SEC31A: variants seen among roughly 807,000 people sequenced by gnomAD.
SEC31A encodes the protein protein transport protein Sec31A.
A neutral mutation model predicts 151.0 loss-of-function variants in SEC31A; 70 were observed. The observed-to-expected ratio is 0.46, with a 90% CI of 0.38 to 0.57. The LOEUF (loss-of-function observed/expected upper bound fraction) is 0.57, where lower values mean the gene tolerates loss of function less well. Ranked by LOEUF, SEC31A falls within the 20% of genes least tolerant of loss-of-function variation. The pLI is 0.00. For synonymous variants in SEC31A, 475 were observed against 505.9 expected (o/e 0.94, Z 0.82); for missense variants, 1,330 against 1,471.2 (o/e 0.90, Z 1.57).
intron 1 of SEC31A, among the ~76,000 whole-genome samples, chr4:82,884,886 C>T (rs1740318638): frequency 6.6e-6 from 1 of 152,074 alleles, no homozygotes; most frequent in Non-Finnish European, 1.5e-5. Context: ...ACTTGATCTG[C>T]CTTGGACCGA....
At chr4:82,870,297 A>C in intron 8 of SEC31A, 28 bp downstream of exon 8, 1 of 1,554,994 alleles carries the variant, frequency 6.4e-7, no homozygotes, top group Non-Finnish European at 8.9e-7. Context: ...TAAGGGCTAC[A>C]AGGTTGAGAC....
chr4:82,880,692 G>T, intron 3 of SEC31A, 107 bp downstream of exon 3: 2 of 906,778 alleles, frequency 2.2e-6, no homozygotes, highest in Non-Finnish European at 3.2e-6. Flanking sequence ...TCATGTTCTT[G>T]ATGGTATTCC....
rs1732316969 is a variant in SEC31A at position 82,854,981 on chromosome 4, A to G, written c.1930T>C (p.Cys644Arg). 3.1e-6 allele frequency: 5 copies of G among 1,613,950 alleles called. No homozygotes were observed. Among genetic ancestry groups the G allele is most frequent in the Non-Finnish European group, 4.2e-6 (5 of 1,179,908 alleles). Residue 644 changes from cysteine (C) to arginine (R), a missense_variant, in exon 17 of 27, where the codon TGT becomes CGT. Physicochemically the swap from Cys to Arg is radical, Grantham distance 180 (BLOSUM62 -3). Transcript: ENST00000395310. ...GCCTCTCTCCAATTTTTAAGATCAC[A>G]AGACTCAACAATCTCTTTCCAGTTC... Reference protein sequence around the residue: ...MKNWKEIVESCDLKNWREALA... With the variant: ...MKNWKEIVESRDLKNWREALA...
At chr4:82,863,615 T>A (rs1316985894) in intron 11 of SEC31A, among the ~76,000 whole-genome samples, 2 of 152,026 alleles carry the variant, frequency 1.3e-5, no homozygotes, top group Non-Finnish European at 2.9e-5. Context: ...ATTATTTTTT[T>A]AAATAAGTTA....
At chr4:82,871,865 T>A in intron 7 of SEC31A, 79 bp downstream of exon 7, 1 of 1,590,664 alleles carries the variant, frequency 6.3e-7, no homozygotes, top group African/African-American at 1.3e-5. Context: ...TGTCCTATGG[T>A]GTATTTCTGG....
At chr4:82,838,444 T>C (rs1022049227) in intron 22 of SEC31A, among the ~76,000 whole-genome samples, 3 of 152,202 alleles carry the variant, frequency 2.0e-5, no homozygotes, top group Admixed American at 1.3e-4. Flanking sequence ...ACTCAGGCTG[T>C]TACCATCTCC....
intron 1 of SEC31A, among the ~76,000 whole-genome samples, chr4:82,890,451 C>G (rs1464719616): frequency 1.3e-5 from 2 of 152,068 alleles, no homozygotes; most frequent in African/African-American, 4.8e-5. Context: ...ATTCCTTAAG[C>G]GCAAGAAAAA....
intron 3 of SEC31A, among the ~76,000 whole-genome samples, chr4:82,897,437 G>A (rs934112333): frequency 6.6e-6 from 1 of 152,264 alleles, no homozygotes; most frequent in Middle Eastern, 3.4e-3. Context: ...ACCAACCCTA[G>A]AAAGCAAGAA....
At chr4:82,852,485 T>C (rs936523049) in intron 18 of SEC31A, among the ~76,000 whole-genome samples, 8 of 152,206 alleles carry the variant, frequency 5.3e-5, no homozygotes, top group African/African-American at 1.9e-4. Context: ...AGCAGAAGGA[T>C]AGCCTACCTT....
rs368504379 is a variant in SEC31A, at chr4:82,827,439, C to T, written c.3221G>A (p.Gly1074Asp). 18 of 1,614,188 alleles carry T rather than the reference C, an allele frequency of 1.1e-5. No individual in the cohort carries two copies. Among genetic ancestry groups the T allele is most frequent in the Admixed American group, 1.0e-4 (6 of 60,026 alleles). The change falls in exon 24 of 27, where the codon GGC becomes GAC. Residue 1074 changes from glycine (G) to aspartate (D), a missense_variant. Coordinates refer to ENST00000395310, the MANE Select transcript of SEC31A (RefSeq NM_001077207.4). Reference protein sequence around the residue: ...HGVQQPLGQTGMPPSFSKPNI... With the variant: ...HGVQQPLGQTDMPPSFSKPNI... ...GGGCTTTGAAAAAGATGGTGGCATG[C>T]CTGTTTGACCAAGAGGTTGCTGTAC...
chr4:82,833,532 T>TA lies in SEC31A; in HGVS notation c.2969-4475dup, dbSNP rs35174989. Among the ~76,000 whole-genome samples the TA allele has an allele frequency of 5.2e-3, 712 of 136,272 alleles. 4 individuals carry two copies. The highest frequency in any genetic ancestry group is 0.018 in the African/African-American group (630 of 34,658). The allele number at this position is 136,272 out of a possible 152,430, so 89.4% of individuals were successfully genotyped here. ...TGCATGTAACCCAAAAGTTAAATTATAAAAAAAAAAAAAAAAATACAGATT... is the reference window on the plus strand; with the variant it reads ...TGCATGTAACCCAAAAGTTAAATTATAAAAAAAAAAAAAAAAAATACAGATT... On this transcript the variant is annotated intron_variant, in intron 22 of 26. Transcript: ENST00000395310.
chr4:82,855,082 A>T (rs1553930534), intron 16 of SEC31A, 53 bp from the exon 17 acceptor site: 2 of 1,461,832 alleles, frequency 1.4e-6, no homozygotes, highest in Non-Finnish European at 9.2e-7. Context: ...TAGCAATAAA[A>T]ATTAATTCTG....
intron 18 of SEC31A, among the ~76,000 whole-genome samples, chr4:82,852,733 C>T (rs1252458617): frequency 1.3e-5 from 2 of 152,068 alleles, no homozygotes; most frequent in Non-Finnish European, 2.9e-5. Context: ...ATAGTTAGTA[C>T]CTGAGAATAG....
Position 82,866,907 on chromosome 4 carries a change from A to C in SEC31A, c.1098T>G (p.Pro366=). Residue 366 remains proline, a synonymous_variant, in exon 10 of 27, where the codon CCT becomes CCG. Transcript: ENST00000395310. Reference sequence around the variant, plus strand: ...CAGTCTGCTGTGGAATTTGTAACGGAGGAAGGGGCTGTCCTGTGCCAAAGG... The same window carrying C: ...CAGTCTGCTGTGGAATTTGTAACGGCGGAAGGGGCTGTCCTGTGCCAAAGG... ...LDPFGTGQPL[P]PLQIPQQTAQ... 2 of 1,614,134 alleles carry C rather than the reference A, an allele frequency of 1.2e-6. No individual in the cohort carries two copies. Among genetic ancestry groups the C allele is most frequent in the African/African-American group, 2.7e-5 (2 of 75,050 alleles).
Position 82,820,197 on chromosome 4 carries a change from G to A in SEC31A, c.3483+840C>T, listed in dbSNP as rs147100811. On this transcript the variant is annotated intron_variant, in intron 26 of 26. Transcript: ENST00000395310. ...TTGCCCAGGCTGGTCTCAAACTCCTGGGCTCCAGTGATCCTCCCGCATCAG... is the reference window on the plus strand; with the variant it reads ...TTGCCCAGGCTGGTCTCAAACTCCTAGGCTCCAGTGATCCTCCCGCATCAG... 1.3e-3 allele frequency among the ~76,000 whole-genome samples: 181 copies of A among 135,208 alleles called. 3 individuals are homozygous for A. In the East Asian group the frequency reaches 0.033, roughly 25 times the overall value. The allele number at this position is 135,208 out of a possible 152,430, so 88.7% of individuals were successfully genotyped here.
At chr4:82,825,138 A>T (rs1724252379) in intron 24 of SEC31A, among the ~76,000 whole-genome samples, 2 of 152,248 alleles carry the variant, frequency 1.3e-5, no homozygotes, top group South Asian at 4.1e-4. Context: ...AAACTGCAAG[A>T]TTAAGCCAAA....
chr4:82,854,608 A>ATATTC (rs1732215410), intron 17 of SEC31A, among the ~76,000 whole-genome samples: 1 of 152,168 alleles, frequency 6.6e-6, no homozygotes, highest in South Asian at 2.1e-4. Flanking sequence ...ACAGATGAAT[A>ATATTC]AACTGAGGCT....
chr4:82,844,300 G>C, intron 21 of SEC31A, 86 bp downstream of exon 21: 1 of 1,385,798 alleles, frequency 7.2e-7, no homozygotes, highest in Non-Finnish European at 1.0e-6. Flanking sequence ...TTATTGATTT[G>C]ACAATGACTT....
chr4:82,881,754 G>C, intron 2 of SEC31A, 104 bp downstream of exon 2: 1 of 841,210 alleles, frequency 1.2e-6, no homozygotes. Flanking sequence ...AACTTGCCAG[G>C]GAGAGAGAGG....
Sources: allele counts gnomAD v4.1 joint callset (sites outside exome capture counted in the v4.1 genomes callset), GRCh38; gene constraint gnomAD v4.1.1; transcripts MANE v1.5; gene names NCBI Gene and HGNC (gene_info 2026-07-23, HGNC 2026-07-21).